Variants in MINAR1 observed in about 807,000 individuals in gnomAD.
MINAR1 encodes the protein membrane integral NOTCH2 associated receptor 1, also known as major intrinsically disordered Notch2-binding receptor 1.
A neutral mutation model predicts 65.1 loss-of-function variants in MINAR1; 40 were observed. The observed-to-expected ratio is 0.61, with a 90% CI of 0.48 to 0.80. The LOEUF (loss-of-function observed/expected upper bound fraction) is 0.80. Among genes scored for constraint, MINAR1 ranks in the 30% least tolerant of loss-of-function variants. MINAR1 has a pLI of 0.00. For missense variants in MINAR1, 1,128 were observed against 1,148.0 expected, an observed-to-expected ratio of 0.98 and a Z score of 0.25; for synonymous variants, 482 against 449.1, an observed-to-expected ratio of 1.07 and a Z score of -0.93.
chr15:79,448,757 G>A (rs745411726), intron 1 of MINAR1, among the ~76,000 whole-genome samples: 5 of 152,194 alleles, frequency 3.3e-5, no homozygotes, highest in Admixed American at 6.5e-5. Flanking sequence ...TCATTTTGGG[G>A]CTGTTGGTAG....
chr15:79,443,228 G>C (rs1164998846), intron 1 of MINAR1, among the ~76,000 whole-genome samples: 1 of 152,246 alleles, frequency 6.6e-6, no homozygotes. Flanking sequence ...ATTCCCACAA[G>C]AGGATGTGAT....
intron 1 of MINAR1, among the ~76,000 whole-genome samples, chr15:79,439,693 T>G (rs1450830395): frequency 6.6e-6 from 1 of 151,828 alleles, no homozygotes; most frequent in Non-Finnish European, 1.5e-5. Flanking sequence ...CTGTTGCCCC[T>G]GCAGGCATGG....
intron 1 of MINAR1, among the ~76,000 whole-genome samples, chr15:79,446,552 T>G (rs992619788): frequency 3.3e-5 from 5 of 152,126 alleles, no homozygotes; most frequent in Non-Finnish European, 7.4e-5. Context: ...ATTGTGTTCT[T>G]AAAAATCTGC....
intron 1 of MINAR1, among the ~76,000 whole-genome samples, chr15:79,436,184 G>C (rs1350666308): frequency 6.6e-6 from 1 of 152,196 alleles, no homozygotes; most frequent in East Asian, 1.9e-4. Flanking sequence ...CTGAAATCTG[G>C]GGATTATTTG....
chr15:79,450,722 T>C, intron 1 of MINAR1, among the ~76,000 whole-genome samples: 1 of 152,150 alleles, frequency 6.6e-6, no homozygotes, highest in Admixed American at 6.5e-5. Flanking sequence ...AATGTAAAAC[T>C]TGAGAGGCCA....
At chr15:79,414,455 T>C in the MINAR1 span, 1 of 152,222 alleles carries the variant, frequency 6.6e-6, no homozygotes, top group Admixed American at 6.5e-5. Flanking sequence ...AAAGTAGTGA[T>C]GTGTCAGGAT....
chr15:79,434,996 C>T (rs540586997), intron 1 of MINAR1, among the ~76,000 whole-genome samples: 5 of 152,254 alleles, frequency 3.3e-5, no homozygotes, highest in South Asian at 2.1e-4. Flanking sequence ...GGTAAGTGGC[C>T]GGGAGCTGTG....
At chr15:79,431,839 G>A (rs1894448611), upstream of MINAR1, among the ~76,000 whole-genome samples, 1 of 152,202 alleles carries the variant, frequency 6.6e-6, no homozygotes, top group Admixed American at 6.5e-5. Context: ...CGCTGCAGCC[G>A]CGACCTGGGA....
chr15:79,459,338 T>C (rs1178382889), intron 2 of MINAR1, among the ~76,000 whole-genome samples: 1 of 152,232 alleles, frequency 6.6e-6, no homozygotes, highest in African/African-American at 2.4e-5. Context: ...TATAGCAGAC[T>C]TCACTTCCTC....
At position 79,456,467 on chromosome 15, in the gene MINAR1, C is replaced by T. The variant is rs143807958; in HGVS notation, c.320C>T (p.Thr107Met). The part of the protein sequence containing the change: ...NGGAAKEKLP[T>M]GRQKVRKKEA... ...GGGGCTGCCAAGGAGAAGCTGCCCA[C>T]GGGCCGCCAGAAGGTACGCAAGAAG... The change falls in exon 2 of 4, where the codon ACG (threonine) becomes ATG (methionine). Residue 107 changes from threonine (T) to methionine (M), a missense_variant. Coordinates refer to ENST00000305428, the MANE Select transcript of MINAR1 (RefSeq NM_015206.3). 181 of 1,613,926 alleles carry T rather than the reference C, an allele frequency of 1.1e-4. No individual in the cohort carries two copies. The highest frequency in any genetic ancestry group is 3.3e-4 in the Admixed American group (20 of 60,004).
chr15:79,468,318 G>C lies in MINAR1; in HGVS notation c.2685G>C (p.Leu895=). 6.2e-7 allele frequency: 1 copy of C among 1,614,102 alleles called. No homozygotes were observed. The highest frequency in any genetic ancestry group is 8.5e-7 in the Non-Finnish European group (1 of 1,179,998). Residue 895 remains leucine (L), a synonymous_variant, in exon 4 of 4, where the codon CTG becomes CTC. Coordinates refer to ENST00000305428, the MANE Select transcript of MINAR1 (RefSeq NM_015206.3). The part of the protein sequence containing the change: ...RRAKVCKIAA[L]IAAAACTVIL... The stretch of plus-strand genomic sequence containing the variant: ...CCAAGGTCTGCAAGATAGCTGCTCT[G>C]ATCGCTGCTGCGGCATGCACCGTCA...
chr15:79,470,148 G>GA lies in MINAR1; in HGVS notation c.*1769dup, dbSNP rs1896026580. 6.6e-6 allele frequency: 1 copy of GA among 152,484 alleles called. No homozygotes were observed. 9.4% of individuals were successfully genotyped at this position (152,484 alleles called of 1,614,324 possible). A position where few individuals can be genotyped will look rare whatever the true frequency, so the allele number is the denominator to read the frequency against. On this transcript the variant is annotated 3_prime_UTR_variant, in exon 4 of 4. Coordinates refer to ENST00000305428, the MANE Select transcript of MINAR1 (RefSeq NM_015206.3). ...TAACCGAAAACTTAAGCCTTAGTAT[G>GA]AAAAACTGAGGATTTATAATTGAAA...
chr15:79,460,274 C>G (rs114208519), intron 2 of MINAR1, among the ~76,000 whole-genome samples: 6,475 of 152,266 alleles, frequency 0.043, 157 homozygotes, highest in Middle Eastern at 0.061. Flanking sequence ...GCTTTGGTTG[C>G]ATATGTCAAA....
rs552734648 is a variant in MINAR1 at position 79,441,464 on chromosome 15, C to A, written c.-51+8924C>A. ...TACGGATGCACTGCAATTTATAGAA[C>A]CCAGTGTTGGCTACAAAGATTATTG... On this transcript the variant is annotated intron_variant, in intron 1 of 3. Coordinates refer to ENST00000305428, the MANE Select transcript of MINAR1 (RefSeq NM_015206.3). Among the ~76,000 whole-genome samples the A allele has an allele frequency of 2.0e-5, 3 of 152,150 alleles. No homozygotes were observed. In the East Asian group the frequency reaches 5.8e-4, roughly 29 times the overall value.
At chr15:79,452,300 CTG>C (rs1895235197) in intron 1 of MINAR1, among the ~76,000 whole-genome samples, 1 of 151,390 alleles carries the variant, frequency 6.6e-6, no homozygotes, top group African/African-American at 2.4e-5. Context: ...AGCTGGGAAG[CTG>C]TGCAAGTGTC....
chr15:79,452,798 AGT>A (rs1320351692), intron 1 of MINAR1, among the ~76,000 whole-genome samples: 1 of 134,896 alleles, frequency 7.4e-6, no homozygotes, highest in African/African-American at 2.8e-5. Flanking sequence ...GGTGAGTCTA[AGT>A]GTGAAGCTCT....
chr15:79,430,635 T>A (rs575797648), upstream of MINAR1, among the ~76,000 whole-genome samples: 710 of 152,294 alleles, frequency 4.7e-3, 5 homozygotes, highest in African/African-American at 0.016. Flanking sequence ...TACTTACAAA[T>A]TTAAAATCAC....
intron 2 of MINAR1, among the ~76,000 whole-genome samples, chr15:79,461,968 T>C (rs531725265): frequency 6.6e-6 from 1 of 152,358 alleles, no homozygotes; most frequent in Admixed American, 6.5e-5. Context: ...CAACTCTCAT[T>C]GCATCACACC....
chr15:79,447,283 A>G (rs560949954), intron 1 of MINAR1, among the ~76,000 whole-genome samples: 1 of 152,182 alleles, frequency 6.6e-6, no homozygotes, highest in South Asian at 2.1e-4. Flanking sequence ...CTTTATTTAG[A>G]TCTAATATGC....
Sources: gnomAD v4.1 joint callset for allele counts (sites outside exome capture counted in the v4.1 genomes callset) on GRCh38, gnomAD v4.1.1 for gene constraint, MANE v1.5 for transcripts, NCBI Gene and HGNC (gene_info 2026-07-23, HGNC 2026-07-21) for gene names.